Variants in ASIC2 observed in about 807,000 individuals in gnomAD.
The protein encoded by ASIC2 is acid sensing ion channel subunit 2.
A neutral mutation model predicts 57.3 loss-of-function variants in ASIC2; 25 were observed. The ratio of observed to expected loss-of-function variants is 0.44; its 90% CI spans 0.32 to 0.61. The LOEUF (loss-of-function observed/expected upper bound fraction) is 0.61. Ranked by LOEUF, ASIC2 falls within the 20% of genes least tolerant of loss-of-function variation. The pLI is 0.06. For missense variants in ASIC2, 641 were observed against 738.1 expected (o/e 0.87, Z 1.52); for synonymous variants, 319 against 307.5 (o/e 1.04, Z -0.39).
Position 33,089,051 on chromosome 17 carries a change from G to C in ASIC2, c.860-61C>G. The C allele has an allele frequency of 1.9e-6, 3 of 1,601,380 alleles. No homozygotes were observed. In the East Asian group the frequency reaches 6.7e-5, roughly 36 times the overall value. ...TAACAACAGATGCTCATGGAGTCCTGGGATTGAAAAGCTCAAAGGGATGCT... is the reference window on the plus strand; with the variant it reads ...TAACAACAGATGCTCATGGAGTCCTCGGATTGAAAAGCTCAAAGGGATGCT... On this transcript the variant is annotated intron_variant, in intron 2 of 9. Transcript: ENST00000225823.
intron 1 of ASIC2, among the ~76,000 whole-genome samples, chr17:33,455,944 T>C (rs942195395): frequency 3.3e-5 from 5 of 152,190 alleles, no homozygotes; most frequent in African/African-American, 1.2e-4. Flanking sequence ...GTGTCATTTT[T>C]AAGAGGAGCC....
intron 1 of ASIC2, among the ~76,000 whole-genome samples, chr17:33,623,116 G>A (rs150639263): frequency 5.3e-5 from 8 of 152,298 alleles, no homozygotes; most frequent in Admixed American, 4.6e-4. Flanking sequence ...GGCCACCTAA[G>A]CTTAGAGAAG....
intron 1 of ASIC2, among the ~76,000 whole-genome samples, chr17:33,497,693 C>A (rs569567827): frequency 2.2e-4 from 34 of 152,308 alleles, no homozygotes; most frequent in African/African-American, 7.9e-4. Flanking sequence ...TCACCCACTT[C>A]ACAAACCCAA....
upstream of ASIC2, among the ~76,000 whole-genome samples, chr17:33,293,642 A>G (rs1444921461): frequency 6.6e-6 from 1 of 152,112 alleles, no homozygotes; most frequent in Non-Finnish European, 1.5e-5. Context: ...GCATTTGAAC[A>G]CGATTGCGAG....
In ASIC2 at chr17:33,881,911, G is replaced by A. The variant is rs140467563; in HGVS notation, c.555+274067C>T. ...AGCAAGGTACTGGTACCAAAACAGA[G>A]ATATAGACCAATGGAACAGAACAGA... On this transcript the variant is annotated intron_variant, in intron 1 of 9. Coordinates refer to the ASIC2 transcript ENST00000359872. Among the ~76,000 whole-genome samples, 597 of 152,258 alleles carry A rather than the reference G, an allele frequency of 3.9e-3. 5 individuals are homozygous for A. The highest frequency in any genetic ancestry group is 0.013 in the African/African-American group (551 of 41,540).
intron 1 of ASIC2, among the ~76,000 whole-genome samples, chr17:33,666,307 G>A (rs1266039505): frequency 1.3e-5 from 2 of 152,166 alleles, no homozygotes; most frequent in East Asian, 3.8e-4. Context: ...AAAAGGAAAC[G>A]TTAAAACAAA....
At chr17:33,282,475 GCT>G (rs879892509) in intron 1 of ASIC2, among the ~76,000 whole-genome samples, 93,814 of 146,308 alleles carry the variant, frequency 0.64, 30,158 homozygotes, top group East Asian at 0.94. Context: ...GTGTGTGTGT[GCT>G]TGTGTGTGTG....
chr17:33,789,357 A>T (rs912087323), intron 1 of ASIC2, among the ~76,000 whole-genome samples: 3 of 152,154 alleles, frequency 2.0e-5, no homozygotes, highest in Admixed American at 1.3e-4. Context: ...CCTGATAAGC[A>T]CTTTTATAAA....
At position 33,652,294 on chromosome 17, in the gene ASIC2, T is replaced by C. The variant is rs1906945061; in HGVS notation, c.555+503684A>G. Among the ~76,000 whole-genome samples, 5 of 152,294 alleles carry C rather than the reference T, an allele frequency of 3.3e-5. No individual in the cohort carries two copies. The South Asian group carries it at 1.0e-3, about 32-fold the overall frequency. ...TAATTGCTTTTTGCTGGACTCTGCC[T>C]GGAGACTCTGATTGAATAGGCCTAG... On this transcript the variant is annotated intron_variant, in intron 1 of 9. Transcript: ENST00000359872.
chr17:34,091,357 A>C (rs1910323514), intron 1 of ASIC2, among the ~76,000 whole-genome samples: 1 of 152,388 alleles, frequency 6.6e-6, no homozygotes, highest in African/African-American at 2.4e-5. Context: ...AAATCTAAAT[A>C]GCCTCGGGCA....
chr17:33,504,965 G>T (rs943916466), intron 1 of ASIC2, among the ~76,000 whole-genome samples: 1 of 152,182 alleles, frequency 6.6e-6, no homozygotes, highest in Non-Finnish European at 1.5e-5. Context: ...GAACTGAGAT[G>T]GGTGGCTGCT....
At chr17:33,494,637 GT>G (rs1367606793) in intron 1 of ASIC2, among the ~76,000 whole-genome samples, 1 of 152,148 alleles carries the variant, frequency 6.6e-6, no homozygotes, top group Non-Finnish European at 1.5e-5. Flanking sequence ...ACATTGTGGG[GT>G]CACACTGAGG....
At chr17:33,775,962 G>A (rs775193609) in intron 1 of ASIC2, among the ~76,000 whole-genome samples, 13 of 152,030 alleles carry the variant, frequency 8.6e-5, no homozygotes, top group African/African-American at 1.9e-4. Flanking sequence ...ACGAAACACC[G>A]TATCTACTAA....
chr17:33,165,949 G>T (rs1386641582), intron 1 of ASIC2, among the ~76,000 whole-genome samples: 1 of 152,034 alleles, frequency 6.6e-6, no homozygotes, highest in Non-Finnish European at 1.5e-5. Flanking sequence ...AGGCATGGGA[G>T]GGTAAAAGAT....
At position 33,479,818 on chromosome 17, in the gene ASIC2, A is replaced by G. The variant is rs571088530; in HGVS notation, c.556-367751T>C. 4.0e-5 allele frequency among the ~76,000 whole-genome samples: 6 copies of G among 151,848 alleles called. No homozygotes were observed. In the South Asian group the frequency reaches 8.3e-4, roughly 21 times the overall value. Reference sequence around the variant, plus strand: ...GCAAGGCCCTGTGCCCCCCTCCCCAATCCACCCTTTCCCTGTGGGCCTCCT... The same window carrying G: ...GCAAGGCCCTGTGCCCCCCTCCCCAGTCCACCCTTTCCCTGTGGGCCTCCT... On this transcript the variant is annotated intron_variant, in intron 1 of 9. Coordinates refer to the ASIC2 transcript ENST00000359872.
Position 33,356,586 on chromosome 17 carries a change from G to T in ASIC2, c.556-244519C>A, listed in dbSNP as rs536712926. 1.1e-4 allele frequency among the ~76,000 whole-genome samples: 17 copies of T among 152,204 alleles called. No individual in the cohort carries two copies. The South Asian group carries it at 2.3e-3, about 20-fold the overall frequency. ...TGCCACCTGGATGGAGCAGGAAGGG[G>T]AACTAGAAAGGCCACCACTACAGAC... On this transcript the variant is annotated intron_variant, in intron 1 of 9. Coordinates refer to the ASIC2 transcript ENST00000359872.
intron 1 of ASIC2, among the ~76,000 whole-genome samples, chr17:33,404,738 C>T (rs1275535111): frequency 6.6e-6 from 1 of 152,186 alleles, no homozygotes. Context: ...AGCCTAGATA[C>T]ACAAAGAAAT....
At chr17:33,347,609 T>C (rs1907997848) in intron 1 of ASIC2, among the ~76,000 whole-genome samples, 1 of 152,148 alleles carries the variant, frequency 6.6e-6, no homozygotes, top group African/African-American at 2.4e-5. Context: ...GGGTGAGATG[T>C]ATAGGATCAC....
At chr17:33,495,908 A>G (rs1913916598) in intron 1 of ASIC2, among the ~76,000 whole-genome samples, 1 of 152,200 alleles carries the variant, frequency 6.6e-6, no homozygotes, top group South Asian at 2.1e-4. Context: ...GGCAGATGGG[A>G]ACATCCCAGG....
Sources: allele counts gnomAD v4.1 joint callset (sites outside exome capture counted in the v4.1 genomes callset), GRCh38; gene constraint gnomAD v4.1.1; transcripts MANE v1.5; gene names NCBI Gene and HGNC (gene_info 2026-07-23, HGNC 2026-07-21).